SLC38A10: variants seen among roughly 807,000 people sequenced by gnomAD.
SLC38A10 encodes Sodium-coupled neutral amino acid transporter 10.
A neutral mutation model predicts 81.0 loss-of-function variants in SLC38A10; 53 were observed. The ratio of observed to expected loss-of-function variants is 0.65; its 90% CI spans 0.53 to 0.82. SLC38A10 has a LOEUF of 0.82. Among genes scored for constraint, SLC38A10 ranks in the 40% least tolerant of loss-of-function variants. The pLI is 0.00. For synonymous variants in SLC38A10, 665 were observed against 655.3 expected, an observed-to-expected ratio of 1.01 and a Z score of -0.23; for missense variants, 1,471 against 1,545.0, an observed-to-expected ratio of 0.95 and a Z score of 0.80.
chr17:81,262,142 C>A (rs2063029804), intron 10 of SLC38A10, among the ~76,000 whole-genome samples: 1 of 152,104 alleles, frequency 6.6e-6, no homozygotes, highest in African/African-American at 2.4e-5. Flanking sequence ...GAACGGCCCG[C>A]CCAGTCAGTG....
At chr17:81,248,145 GA>G (rs1721452642) in intron 14 of SLC38A10, among the ~76,000 whole-genome samples, 1 of 151,986 alleles carries the variant, frequency 6.6e-6, no homozygotes, top group Admixed American at 6.6e-5. Context: ...TTTTAGTAGA[GA>G]TGGGGTTTCA....
chr17:81,259,997 C>T (rs971196005), intron 11 of SLC38A10, among the ~76,000 whole-genome samples: 1 of 152,186 alleles, frequency 6.6e-6, no homozygotes, highest in Admixed American at 6.5e-5. Context: ...ACTCCTGTCC[C>T]ATGTTCCCTG....
At chr17:81,292,022 C>T (rs887648644) in intron 1 of SLC38A10, among the ~76,000 whole-genome samples, 6 of 152,092 alleles carry the variant, frequency 3.9e-5, no homozygotes, top group Non-Finnish European at 5.9e-5. Flanking sequence ...ATCAACAGCA[C>T]ATCTAAAGAA....
chr17:81,282,061 A>G, intron 5 of SLC38A10, 128 bp downstream of exon 5: 1 of 1,341,800 alleles, frequency 7.5e-7, no homozygotes, highest in Non-Finnish European at 1.1e-6. Context: ...ACATCCTGCT[A>G]CTTCCAACAC....
chr17:81,247,190 T>C, intron 14 of SLC38A10, 129 bp from the exon 15 acceptor site: 1 of 919,778 alleles, frequency 1.1e-6, no homozygotes, highest in Non-Finnish European at 1.6e-6. Flanking sequence ...CACTGGCCAC[T>C]GGTGACACCC....
rs1044310219 is a variant in SLC38A10, at chr17:81,286,154, G to A, written c.218-1259C>T. 1.3e-5 allele frequency among the ~76,000 whole-genome samples: 2 copies of A among 152,170 alleles called. No individual in the cohort carries two copies. The highest frequency in any genetic ancestry group is 4.8e-5 in the African/African-American group (2 of 41,440). ...AACGCCCTCCACACCCCTCAGTGAC[G>A]GCACAGCCCGGAAGCAACAAAACAC... On this transcript the variant is annotated intron_variant, in intron 2 of 15. Coordinates refer to ENST00000374759, the MANE Select transcript of SLC38A10 (RefSeq NM_001037984.3). This position sits in a 1 kb window ranked among gnomAD's most constrained non-coding sequence, Gnocchi z 6.0.
Position 81,276,005 on chromosome 17 carries a change from G to C in SLC38A10, c.876C>G (p.Cys292Trp). 6.2e-7 allele frequency: 1 copy of C among 1,613,666 alleles called. No homozygotes were observed. ...AVGFPMMILP[C>W]RQALSTLLCE... ...ACAGCAGCGTGCTCAGGGCCTGCCT[G>C]CATGGCAGGATCATCATGGGGAAGC... Residue 292 changes from cysteine to tryptophan, a missense_variant, in exon 8 of 16, where the codon TGC (cysteine) becomes TGG (tryptophan). Coordinates refer to ENST00000374759, the MANE Select transcript of SLC38A10 (RefSeq NM_001037984.3). The surrounding 1 kb of genome is among the most constrained non-coding windows in gnomAD (Gnocchi z 4.7).
chr17:81,294,717 C>T (rs1567952700), intron 1 of SLC38A10, 106 bp downstream of exon 1: 1 of 1,046,610 alleles, frequency 9.6e-7, no homozygotes, highest in Non-Finnish European at 1.3e-6. Flanking sequence ...CCTGCACCCG[C>T]CCAGCGAAGC....
At chr17:81,260,883 G>A (rs986285618) in intron 10 of SLC38A10, among the ~76,000 whole-genome samples, 15 of 152,238 alleles carry the variant, frequency 9.9e-5, no homozygotes, top group Admixed American at 2.0e-4. Context: ...GAGCGTCCCC[G>A]TCCATGCTGT....
At chr17:81,273,903 C>A (rs2063138555) in intron 8 of SLC38A10, among the ~76,000 whole-genome samples, 1 of 152,168 alleles carries the variant, frequency 6.6e-6, no homozygotes, top group African/African-American at 2.4e-5. Flanking sequence ...GGGCCGAAGA[C>A]AAGAAAGCAG....
At chr17:81,252,169 C>T (rs746041822) in intron 13 of SLC38A10, 26 bp downstream of exon 13, 12 of 1,494,432 alleles carry the variant, frequency 8.0e-6, no homozygotes, top group East Asian at 2.3e-5. Flanking sequence ...GAGTGTCTTC[C>T]GACACGAGCC....
At position 81,292,921 on chromosome 17, in the gene SLC38A10, A is replaced by C. The variant is rs112779790; in HGVS notation, c.99+1902T>G. 4.6e-3 allele frequency among the ~76,000 whole-genome samples: 697 copies of C among 152,306 alleles called. 6 individuals carry two copies. Among genetic ancestry groups the C allele is most frequent in the African/African-American group, 0.016 (653 of 41,556 alleles). ...CACTTTGGGAGGCCGAGGTGGGTGG[A>C]TCACCTGAGATCAGGAGTTCGAGAC... is the stretch of plus-strand genomic sequence containing the variant. On this transcript the variant is annotated intron_variant, in intron 1 of 15. Transcript: ENST00000374759.
In SLC38A10 at chr17:81,245,922, G is replaced by T; in HGVS notation, c.2994C>A (p.His998Gln). The change falls in exon 16 of 16, where the codon CAC (histidine) becomes CAA (glutamine). Residue 998 changes from histidine to glutamine, a missense_variant. Coordinates refer to ENST00000374759, the MANE Select transcript of SLC38A10 (RefSeq NM_001037984.3). ...CGTCCTCCCCGCCTCTCGGCTGCTC[G>T]TGGGACACAGGCACATGGTCCCCCC... is the stretch of plus-strand genomic sequence containing the variant. ...ARGGDHVPVS[H>Q]EQPRGGEDAA... The T allele has an allele frequency of 6.2e-7, 1 of 1,611,084 alleles. No individual in the cohort carries two copies. Among genetic ancestry groups the T allele is most frequent in the Non-Finnish European group, 8.5e-7 (1 of 1,178,824 alleles).
In SLC38A10 at chr17:81,252,311, A is replaced by G. The variant is rs2062924362; in HGVS notation, c.1829T>C (p.Val610Ala). The part of the protein sequence containing the change: ...DRGLHPRPQA[V>A]LSEQQNGLAV... Reference sequence around the variant, plus strand: ...CAGGCCGTTCTGCTGCTCAGACAGCACTGCCTGGGGCCGAGGATGCAGGCC... The same window carrying G: ...CAGGCCGTTCTGCTGCTCAGACAGCGCTGCCTGGGGCCGAGGATGCAGGCC... Residue 610 changes from valine to alanine, a missense_variant, in exon 13 of 16, where the codon GTG becomes GCG. Val to Ala is a moderately conservative substitution (Grantham distance 64, BLOSUM62 0). Coordinates refer to ENST00000374759, the MANE Select transcript of SLC38A10 (RefSeq NM_001037984.3). The G allele has an allele frequency of 1.9e-6, 3 of 1,611,978 alleles. No individual in the cohort carries two copies. The highest frequency in any genetic ancestry group is 3.3e-5 in the Admixed American group (2 of 59,946).
intron 8 of SLC38A10, among the ~76,000 whole-genome samples, chr17:81,273,269 C>T (rs921773734): frequency 2.0e-5 from 3 of 152,232 alleles, no homozygotes; most frequent in Admixed American, 6.5e-5. Flanking sequence ...GAGCCAAGGA[C>T]GGATGGCCTC....
chr17:81,257,200 G>A (rs2062980970), intron 11 of SLC38A10, among the ~76,000 whole-genome samples: 1 of 152,130 alleles, frequency 6.6e-6, no homozygotes, highest in African/African-American at 2.4e-5. Context: ...GCTCACTGCA[G>A]CCCTGACCTT....
rs1323597993 is a variant in SLC38A10 at position 81,270,907 on chromosome 17, G to A, written c.1131+11C>T. 4 of 1,612,428 alleles carry A rather than the reference G, an allele frequency of 2.5e-6. No individual in the cohort carries two copies. The South Asian group carries it at 3.3e-5, about 13-fold the overall frequency. The stretch of plus-strand genomic sequence containing the variant: ...AGCCCTCGTCCAGGCCACCCCACGA[G>A]CAGCACGCACCTGGGAGGAAAGTGC... On this transcript the variant is annotated intron_variant, in intron 10 of 15. Coordinates refer to ENST00000374759, the MANE Select transcript of SLC38A10 (RefSeq NM_001037984.3). The surrounding 1 kb of genome is among the most constrained non-coding windows in gnomAD (Gnocchi z 4.0).
At chr17:81,259,161 G>A (rs908473286) in intron 11 of SLC38A10, among the ~76,000 whole-genome samples, 1 of 152,214 alleles carries the variant, frequency 6.6e-6, no homozygotes, top group Admixed American at 6.5e-5. Context: ...GACGCCAGGG[G>A]CTCCCTTCAA....
rs1258957814 is a variant in SLC38A10 at position 81,256,523 on chromosome 17, G to A, written c.1289-3283C>T. Among the ~76,000 whole-genome samples, 5 of 152,310 alleles carry A rather than the reference G, an allele frequency of 3.3e-5. No homozygotes were observed. The East Asian group carries it at 7.7e-4, about 24-fold the overall frequency. The stretch of plus-strand genomic sequence containing the variant: ...AAAGGTGGAGACAGTCACATCAGAC[G>A]GCCCCCAGACGAAGTGACTTTTAAA... On this transcript the variant is annotated intron_variant, in intron 11 of 15. Coordinates refer to ENST00000374759, the MANE Select transcript of SLC38A10 (RefSeq NM_001037984.3).
Sources: allele counts gnomAD v4.1 joint callset (sites outside exome capture counted in the v4.1 genomes callset), GRCh38; gene constraint gnomAD v4.1.1; non-coding constraint Gnocchi (gnomAD v3.1); transcripts MANE v1.5; gene names NCBI Gene and HGNC (gene_info 2026-07-23, HGNC 2026-07-21).